LYPLAL1: variants seen among roughly 807,000 people sequenced by gnomAD.
LYPLAL1 encodes the protein lysophospholipase like 1, also known as lysophospholipase-like protein 1.
A neutral mutation model predicts 19.7 loss-of-function variants in LYPLAL1; 23 were observed. The observed-to-expected ratio is 1.17, with a 90% confidence interval of 0.84 to 1.65. The LOEUF is 1.65. Among genes scored for constraint, LYPLAL1 ranks in the 40% most tolerant of loss-of-function variants. The probability of loss-of-function intolerance (pLI) is 0.00; values close to 1 mark genes in which losing one functional copy is unlikely to be tolerated. For missense variants in LYPLAL1, 355 were observed against 279.4 expected (o/e 1.27, Z -1.93); for synonymous variants, 119 against 96.3 (o/e 1.24, Z -1.38).
At chr1:219,357,224 T>G in the LYPLAL1 span, among the ~76,000 whole-genome samples, 1 of 152,150 alleles carries the variant, frequency 6.6e-6, no homozygotes, top group Admixed American at 6.5e-5. Flanking sequence ...AAGCTGGTGT[T>G]CTCAGAAAAA....
chr1:219,386,914 CA>C, the LYPLAL1 span, among the ~76,000 whole-genome samples: 1 of 152,188 alleles, frequency 6.6e-6, no homozygotes. Context: ...TAGCCTAACC[CA>C]AGCCATACAA....
the LYPLAL1 span, among the ~76,000 whole-genome samples, chr1:219,442,306 AATTGG>A: frequency 1.2e-4 from 18 of 152,304 alleles, no homozygotes; most frequent in African/African-American, 4.1e-4. Flanking sequence ...TTTGAAACTG[AATTGG>A]ATTGAAGTGG....
At chr1:219,421,938 C>T in the LYPLAL1 span, among the ~76,000 whole-genome samples, 7 of 152,234 alleles carry the variant, frequency 4.6e-5, no homozygotes, top group African/African-American at 1.7e-4. Context: ...TTGTGTATTT[C>T]TCTTTCACCA....
the LYPLAL1 span, among the ~76,000 whole-genome samples, chr1:219,286,025 A>G: frequency 6.6e-6 from 1 of 152,196 alleles, no homozygotes; most frequent in Admixed American, 6.5e-5. Context: ...CACACATACA[A>G]AACAACCAGC....
At chr1:219,269,338 C>T in the LYPLAL1 span, among the ~76,000 whole-genome samples, 1 of 152,166 alleles carries the variant, frequency 6.6e-6, no homozygotes, top group Non-Finnish European at 1.5e-5. Context: ...AACAGCAAAA[C>T]ATGGAATGAA....
the LYPLAL1 span, among the ~76,000 whole-genome samples, chr1:219,393,810 A>G: frequency 2.0e-5 from 3 of 151,356 alleles, no homozygotes; most frequent in South Asian, 6.2e-4. Context: ...ATACTGAAAC[A>G]TTGATCACTA....
intron 2 of LYPLAL1, among the ~76,000 whole-genome samples, chr1:219,180,274 C>T (rs994260111): frequency 5.9e-5 from 9 of 152,350 alleles, no homozygotes; most frequent in Admixed American, 4.6e-4. Context: ...GCATGAGGCA[C>T]TGCACCTGGC....
chr1:219,426,024 A>T, the LYPLAL1 span, among the ~76,000 whole-genome samples: 2 of 152,152 alleles, frequency 1.3e-5, no homozygotes, highest in Non-Finnish European at 2.9e-5. Flanking sequence ...TGCAGGTGTA[A>T]GATCCACACG....
intron 3 of LYPLAL1, chr1:219,200,238 A>G: frequency 4.0e-6 from 1 of 252,170 alleles, no homozygotes; most frequent in Non-Finnish European, 8.1e-6. Context: ...AGCCAAGAAA[A>G]CAGCTTTACC....
At chr1:219,411,677 GT>G in the LYPLAL1 span, 1 of 152,706 alleles carries the variant, frequency 6.5e-6, no homozygotes, top group Non-Finnish European at 1.5e-5. Context: ...CTACTGCTCA[GT>G]TTTTGGGTCC....
chr1:219,437,751 A>ATTTATTTTCT, the LYPLAL1 span, among the ~76,000 whole-genome samples: 26 of 143,544 alleles, frequency 1.8e-4, no homozygotes, highest in African/African-American at 6.5e-4. Flanking sequence ...ATTTTATTGT[A>ATTTATTTTCT]TTTATTTTAT....
the LYPLAL1 span, among the ~76,000 whole-genome samples, chr1:219,305,512 T>A: frequency 6.6e-6 from 1 of 152,158 alleles, no homozygotes; most frequent in Non-Finnish European, 1.5e-5. Context: ...GGATGATACT[T>A]CCAAGGACTC....
chr1:219,374,576 TACTG>T, the LYPLAL1 span, among the ~76,000 whole-genome samples: 4 of 152,332 alleles, frequency 2.6e-5, no homozygotes, highest in South Asian at 6.2e-4. Flanking sequence ...AATCACTAGA[TACTG>T]ACTATTTACA....
At chr1:219,181,810 A>G (rs1340956063) in intron 2 of LYPLAL1, among the ~76,000 whole-genome samples, 4 of 152,172 alleles carry the variant, frequency 2.6e-5, no homozygotes, top group Non-Finnish European at 5.9e-5. Context: ...CTAATTTTCT[A>G]GAGCAGTTTA....
At chr1:219,233,169 ATAT>A in the LYPLAL1 span, among the ~76,000 whole-genome samples, 3 of 152,324 alleles carry the variant, frequency 2.0e-5, no homozygotes, top group South Asian at 6.2e-4. Context: ...ATACAGTGTA[ATAT>A]TATTCAGCCT....
At chr1:219,411,590 G>GAACC in the LYPLAL1 span, 2 of 152,244 alleles carry the variant, frequency 1.3e-5, no homozygotes, top group Non-Finnish European at 2.9e-5. Flanking sequence ...CAGGCTGCCC[G>GAACC]AGCCAGCATT....
At chr1:219,266,067 G>A in the LYPLAL1 span, among the ~76,000 whole-genome samples, 2 of 152,132 alleles carry the variant, frequency 1.3e-5, no homozygotes, top group African/African-American at 2.4e-5. Flanking sequence ...GCTATATTAA[G>A]TTAATTTAAA....
At chr1:219,174,406 T>A in intron 1 of LYPLAL1, 1 of 502,110 alleles carries the variant, frequency 2.0e-6, no homozygotes, top group Non-Finnish European at 2.7e-6. Context: ...GCTCCCATAC[T>A]AATGTAGACA....
the LYPLAL1 span, among the ~76,000 whole-genome samples, chr1:219,392,403 T>C: frequency 2.0e-5 from 3 of 152,184 alleles, no homozygotes; most frequent in African/African-American, 7.2e-5. Context: ...AAATTTTAAG[T>C]CTCAGATTTC....
Sources: allele counts gnomAD v4.1 joint callset (sites outside exome capture counted in the v4.1 genomes callset), GRCh38; gene constraint gnomAD v4.1.1; transcripts MANE v1.5; gene names NCBI Gene and HGNC (gene_info 2026-07-23, HGNC 2026-07-21).